The following SLC9C1 variants were observed in gnomAD, a reference collection of about 807,000 sequenced individuals.
The protein encoded by SLC9C1 is solute carrier family 9 member C1.
Under a neutral mutation model 140.9 loss-of-function variants are expected in SLC9C1, and 97 were observed. The ratio of observed to expected loss-of-function variants is 0.69; its 90% CI spans 0.58 to 0.82. The LOEUF (loss-of-function observed/expected upper bound fraction) is 0.82. Among genes scored for constraint, SLC9C1 ranks in the 40% least tolerant of loss-of-function variants. The pLI, the probability that SLC9C1 is intolerant of heterozygous loss-of-function variation, is 0.00. For missense variants in SLC9C1, 1,340 were observed against 1,389.3 expected, an observed-to-expected ratio of 0.96 and a Z score of 0.56; for synonymous variants, 440 against 442.6, an observed-to-expected ratio of 0.99 and a Z score of 0.07.
Position 112,278,719 on chromosome 3 carries a change from G to T in SLC9C1, c.318+10C>A. 2 of 1,584,894 alleles carry T rather than the reference G, an allele frequency of 1.3e-6. No homozygotes were observed. Among genetic ancestry groups the T allele is most frequent in the Non-Finnish European group, 8.5e-7 (1 of 1,171,824 alleles). ...ATGAATGAATGATATTACCAAAAAA[G>T]AATGCTTACCTGCCAAAATAACTTT... On this transcript the variant is annotated intron_variant, in intron 4 of 28. Transcript: ENST00000305815.
At chr3:112,284,737 T>C (rs1310694922) in intron 2 of SLC9C1, among the ~76,000 whole-genome samples, 2 of 152,132 alleles carry the variant, frequency 1.3e-5, no homozygotes, top group Non-Finnish European at 2.9e-5. Context: ...GGATAAACTT[T>C]TGGAAGCTGA....
At chr3:112,155,972 A>AAT (rs1461638207) in intron 26 of SLC9C1, among the ~76,000 whole-genome samples, 1 of 152,140 alleles carries the variant, frequency 6.6e-6, no homozygotes. Context: ...TAATTGGGAT[A>AAT]ACCATCACCT....
intron 10 of SLC9C1, among the ~76,000 whole-genome samples, chr3:112,261,817 C>T (rs541230996): frequency 8.8e-4 from 134 of 151,972 alleles, no homozygotes; most frequent in African/African-American, 3.1e-3. Context: ...TTTTTTGTTT[C>T]TCATAATAAT....
Position 112,163,567 on chromosome 3 carries a change from T to C in SLC9C1, c.3364+3654A>G, listed in dbSNP as rs1417100153. On this transcript the variant is annotated intron_variant, in intron 26 of 28. Coordinates refer to ENST00000305815, the MANE Select transcript of SLC9C1 (RefSeq NM_183061.3). ...TCAGGAGCAGGTTGTTCAGTTTCCA[T>C]ATAGTTGAGCGGTTTTGAGTGAGAT... is the stretch of plus-strand genomic sequence containing the variant. 7.9e-5 allele frequency among the ~76,000 whole-genome samples: 12 copies of C among 152,146 alleles called. No homozygotes were observed. In the East Asian group the frequency reaches 2.3e-3, roughly 29 times the overall value.
intron 24 of SLC9C1, 32 bp from the exon 25 acceptor site, chr3:112,169,094 T>G: frequency 6.3e-7 from 1 of 1,575,092 alleles, no homozygotes. Context: ...CAGTCTATTA[T>G]TAGTCTATGA....
chr3:112,274,989 TC>T lies in SLC9C1; in HGVS notation c.520del (p.Glu174LysfsTer3). 1 of 1,580,318 alleles carries T rather than the reference TC, an allele frequency of 6.3e-7. No individual in the cohort carries two copies. Among genetic ancestry groups the T allele is most frequent in the Non-Finnish European group, 8.5e-7 (1 of 1,170,068 alleles). ...SRSLISLING[E>X]SLMTSVISLI... ...TGATATAACAGAGGTCATCAGACTT[TC>T]TCCATTAATTAAACTGATGAGGCTT... On this transcript the variant is annotated frameshift_variant, in exon 6 of 29. Transcript: ENST00000305815. LOFTEE classifies it high-confidence loss of function.
intron 26 of SLC9C1, among the ~76,000 whole-genome samples, chr3:112,165,660 T>G (rs186605146): frequency 2.6e-5 from 4 of 152,346 alleles, no homozygotes; most frequent in African/African-American, 9.6e-5. Context: ...CCTAGCCATT[T>G]GAGGTGTCAG....
intron 23 of SLC9C1, among the ~76,000 whole-genome samples, chr3:112,175,739 C>T (rs947862593): frequency 6.6e-6 from 1 of 152,212 alleles, no homozygotes; most frequent in African/African-American, 2.4e-5. Context: ...CTCCATAGTA[C>T]TGCTGAGCAG....
intron 1 of SLC9C1, 26 bp from the exon 2 acceptor site, chr3:112,286,904 T>G: frequency 1.7e-6 from 1 of 576,304 alleles, no homozygotes; most frequent in Non-Finnish European, 2.8e-6. Flanking sequence ...TTTGCCTTCT[T>G]GGTGGCCTTC....
At chr3:112,238,191 C>A (rs2079043964) in intron 12 of SLC9C1, among the ~76,000 whole-genome samples, 1 of 152,186 alleles carries the variant, frequency 6.6e-6, no homozygotes, top group Non-Finnish European at 1.5e-5. Flanking sequence ...TCTCTTCTCA[C>A]TTCATTTCAT....
At chr3:112,282,745 C>T (rs1576522378) in intron 2 of SLC9C1, among the ~76,000 whole-genome samples, 1 of 152,000 alleles carries the variant, frequency 6.6e-6, no homozygotes, top group East Asian at 1.9e-4. Flanking sequence ...TGGTATCATC[C>T]CTTAGAAAAG....
intron 21 of SLC9C1, 130 bp downstream of exon 21, chr3:112,182,003 G>C: frequency 1.2e-6 from 1 of 833,492 alleles, no homozygotes; most frequent in Non-Finnish European, 1.7e-6. Flanking sequence ...AAAGGATTTT[G>C]ATTTTATCCT....
intron 15 of SLC9C1, among the ~76,000 whole-genome samples, chr3:112,213,716 A>G (rs1231933742): frequency 6.6e-6 from 1 of 152,252 alleles, no homozygotes; most frequent in Non-Finnish European, 1.5e-5. Context: ...GCAAGTTCTT[A>G]GAGACCTAGA....
In SLC9C1 at chr3:112,167,201, C is replaced by T. The variant is rs1225088855; in HGVS notation, c.3364+20G>A. 1 of 1,601,732 alleles carries T rather than the reference C, an allele frequency of 6.2e-7. No individual in the cohort carries two copies. The highest frequency in any genetic ancestry group is 8.5e-7 in the Non-Finnish European group (1 of 1,175,104). On this transcript the variant is annotated intron_variant, in intron 26 of 28. Coordinates refer to ENST00000305815, the MANE Select transcript of SLC9C1 (RefSeq NM_183061.3). ...AAGGGAAAGTAAGTTTTCACAATTGCTGAAAGAAGTCTAACTCACCTATTA... is the reference window on the plus strand; with the variant it reads ...AAGGGAAAGTAAGTTTTCACAATTGTTGAAAGAAGTCTAACTCACCTATTA...
In SLC9C1 at chr3:112,175,156, T is replaced by C. The variant is rs571935665; in HGVS notation, c.2919+4375A>G. Among the ~76,000 whole-genome samples, 4 of 152,254 alleles carry C rather than the reference T, an allele frequency of 2.6e-5. No homozygotes were observed. In the South Asian group the frequency reaches 8.3e-4, roughly 32 times the overall value. On this transcript the variant is annotated intron_variant, in intron 23 of 28. Coordinates refer to ENST00000305815, the MANE Select transcript of SLC9C1 (RefSeq NM_183061.3). ...CTGGAGGACTTGCCCAGTGAGGAGA[T>C]GTGGGAACTAGCTCCATGTAATAGT...
intron 10 of SLC9C1, among the ~76,000 whole-genome samples, chr3:112,261,805 C>T (rs145296320): frequency 6.6e-6 from 1 of 152,072 alleles, no homozygotes; most frequent in Non-Finnish European, 1.5e-5. Context: ...GTTTTATGTA[C>T]ATTTTTTGTT....
intron 27 of SLC9C1, among the ~76,000 whole-genome samples, chr3:112,152,372 G>A (rs935831136): frequency 2.6e-5 from 4 of 152,126 alleles, no homozygotes; most frequent in African/African-American, 4.8e-5. Context: ...CAAACATCTC[G>A]GTGCAGTAAA....
chr3:112,267,825 C>T (rs938779734), intron 7 of SLC9C1, among the ~76,000 whole-genome samples: 7 of 152,012 alleles, frequency 4.6e-5, no homozygotes, highest in African/African-American at 1.7e-4. Context: ...AAATCATGGA[C>T]ATAGGTTCTT....
Position 112,265,466 on chromosome 3 carries a change from C to A in SLC9C1, c.878+772G>T, listed in dbSNP as rs139741186. 1.1e-3 allele frequency among the ~76,000 whole-genome samples: 174 copies of A among 152,164 alleles called. 1 individual carries two copies. The highest frequency in any genetic ancestry group is 4.0e-3 in the African/African-American group (168 of 41,548). On this transcript the variant is annotated intron_variant, in intron 8 of 28. Transcript: ENST00000305815. Reference sequence around the variant, plus strand: ...TGAAGTGCTCCAGAATCCTATAAGACCCTATATCTTTTAAGCTTCTTATAT... The same window carrying A: ...TGAAGTGCTCCAGAATCCTATAAGAACCTATATCTTTTAAGCTTCTTATAT...
Sources: gnomAD v4.1 joint callset for allele counts (sites outside exome capture counted in the v4.1 genomes callset) on GRCh38, gnomAD v4.1.1 for gene constraint, MANE v1.5 for transcripts, NCBI Gene and HGNC (gene_info 2026-07-23, HGNC 2026-07-21) for gene names.